Variants in LOXHD1 observed in about 807,000 individuals in gnomAD.
The protein encoded by LOXHD1 is lipoxygenase homology domain-containing protein 1.
A neutral mutation model predicts 248.2 loss-of-function variants in LOXHD1; 205 were observed. The observed-to-expected ratio is 0.83, with a 90% CI of 0.74 to 0.93. LOXHD1 has a LOEUF of 0.93. LOXHD1 is among the 40% of genes least tolerant of loss of function. The probability of loss-of-function intolerance (pLI) is 0.00; values close to 1 mark genes in which losing one functional copy is unlikely to be tolerated. For missense variants in LOXHD1, 2,930 were observed against 2,971.6 expected (o/e 0.99, Z 0.33); for synonymous variants, 1,113 against 1,162.8 (o/e 0.96, Z 0.87).
rs959613690 is a variant in LOXHD1 at position 46,546,879 on chromosome 18, C to T, written c.3514+16G>A. The T allele has an allele frequency of 1.9e-6, 3 of 1,546,220 alleles. No individual in the cohort carries two copies. The highest frequency in any genetic ancestry group is 2.6e-6 in the Non-Finnish European group (3 of 1,142,676). The stretch of plus-strand genomic sequence containing the variant: ...GAGGGGTGCTGGAGAAAGAAATCAG[C>T]TCTAGTTTAGAAAACCTTTCTGCTC... On this transcript the variant is annotated intron_variant, in intron 22 of 40. Transcript: ENST00000642948.
chr18:46,569,838 A>G (rs2037717669), intron 15 of LOXHD1, among the ~76,000 whole-genome samples, 200 bp from the exon 16 acceptor site: 1 of 152,228 alleles, frequency 6.6e-6, no homozygotes, highest in Non-Finnish European at 1.5e-5. Flanking sequence ...GGTCTCCTCA[A>G]CTGTAATGGC....
intron 37 of LOXHD1, 139 bp from the exon 38 acceptor site, chr18:46,489,281 T>G (rs2033297975): frequency 2.3e-6 from 2 of 886,026 alleles, no homozygotes; most frequent in Non-Finnish European, 3.5e-6. Flanking sequence ...TCCTTGTTGA[T>G]AAAGTGAGGG....
intron 13 of LOXHD1, among the ~76,000 whole-genome samples, 188 bp downstream of exon 13, chr18:46,579,442 T>C (rs1014755398): frequency 6.6e-6 from 1 of 152,112 alleles, no homozygotes; most frequent in African/African-American, 2.4e-5. Context: ...ACACTAGGCA[T>C]TGCTGTGCCC....
In LOXHD1 at chr18:46,539,810, G is replaced by A. The variant is rs558658044; in HGVS notation, c.3914-1473C>T. 1.1e-3 allele frequency among the ~76,000 whole-genome samples: 170 copies of A among 152,146 alleles called. 1 individual carries two copies. Among genetic ancestry groups the A allele is most frequent in the African/African-American group, 3.7e-3 (155 of 41,500 alleles). On this transcript the variant is annotated intron_variant, in intron 25 of 40. Coordinates refer to ENST00000642948, the MANE Select transcript of LOXHD1 (RefSeq NM_001384474.1). The stretch of plus-strand genomic sequence containing the variant: ...CTAAAAAAAAATTTAAGAAAAAAAA[G>A]AAGAATATTGAAAACCCAGAGAAAC...
In LOXHD1 at chr18:46,585,836, C is replaced by T. The variant is rs147794925; in HGVS notation, c.1655-6052G>A. Among the ~76,000 whole-genome samples the T allele has an allele frequency of 8.7e-3, 1,320 of 152,280 alleles. 14 individuals are homozygous for T. The highest frequency in any genetic ancestry group is 0.017 in the Middle Eastern group (5 of 294). On this transcript the variant is annotated intron_variant, in intron 12 of 40. Coordinates refer to ENST00000642948, the MANE Select transcript of LOXHD1 (RefSeq NM_001384474.1). ...CTAATAAGAATTTAAAATGGTACAG[C>T]TATTTTGATAGTTTGGCAGTTTCTC...
chr18:46,544,483 C>T (rs1049570759), intron 23 of LOXHD1, among the ~76,000 whole-genome samples: 1 of 152,192 alleles, frequency 6.6e-6, no homozygotes, highest in Admixed American at 6.5e-5. Flanking sequence ...CTAATTATAT[C>T]ATTATATATT....
chr18:46,485,947 T>C (rs2033014507), intron 38 of LOXHD1, among the ~76,000 whole-genome samples: 1 of 152,032 alleles, frequency 6.6e-6, no homozygotes, highest in African/African-American at 2.4e-5. Context: ...GCTGTCCTTC[T>C]GCCTGGAGTC....
chr18:46,618,141 A>T, intron 5 of LOXHD1, 51 bp downstream of exon 5: 1 of 1,404,418 alleles, frequency 7.1e-7, no homozygotes, highest in Non-Finnish European at 9.8e-7. Flanking sequence ...AACCCCATCT[A>T]CAAAATAGTC....
intron 31 of LOXHD1, among the ~76,000 whole-genome samples, chr18:46,523,798 T>G (rs1297192753): frequency 6.6e-6 from 1 of 151,992 alleles, no homozygotes; most frequent in Non-Finnish European, 1.5e-5. Context: ...TATCACTCAT[T>G]TACAGAGTGA....
chr18:46,584,545 C>A (rs1167445227), intron 12 of LOXHD1, among the ~76,000 whole-genome samples: 1 of 151,944 alleles, frequency 6.6e-6, no homozygotes. Flanking sequence ...AATTCCAAAT[C>A]TTTTAAGTGA....
Position 46,577,889 on chromosome 18 carries a change from G to T in LOXHD1, c.1810-22C>A, listed in dbSNP as rs557751606. ...CAGCCTTGTGGGGGGAAACCACAAG[G>T]CCAGTTAGACAGTGGCTACCCCAGG... is the stretch of plus-strand genomic sequence containing the variant. On this transcript the variant is annotated intron_variant, in intron 13 of 40. Coordinates refer to ENST00000642948, the MANE Select transcript of LOXHD1 (RefSeq NM_001384474.1). 1.9e-6 allele frequency: 3 copies of T among 1,551,438 alleles called. No homozygotes were observed. In the East Asian group the frequency reaches 7.3e-5, roughly 38 times the overall value.
chr18:46,644,831 C>A (rs138543626), intron 2 of LOXHD1, among the ~76,000 whole-genome samples: 1 of 152,134 alleles, frequency 6.6e-6, no homozygotes, highest in African/African-American at 2.4e-5. Flanking sequence ...CATGGCATGG[C>A]GCTTTATAGT....
intron 8 of LOXHD1, among the ~76,000 whole-genome samples, chr18:46,598,633 G>A (rs328137): frequency 0.76 from 115,949 of 152,024 alleles, 45,358 homozygotes; most frequent in Non-Finnish European, 0.86. Context: ...CTAAATGTCC[G>A]GAAAATACTT....
chr18:46,644,570 T>G (rs1169269016), intron 2 of LOXHD1, among the ~76,000 whole-genome samples: 1 of 151,980 alleles, frequency 6.6e-6, no homozygotes, highest in Admixed American at 6.6e-5. Flanking sequence ...ATTTAAAAAT[T>G]GGCTGGGCCT....
chr18:46,520,281 A>G (rs1170256793), intron 33 of LOXHD1: 2 of 471,062 alleles, frequency 4.2e-6, no homozygotes, highest in Admixed American at 4.7e-5. Context: ...ACTCAGGTCC[A>G]GGTGATTTCT....
In LOXHD1 at chr18:46,505,901, T is replaced by C; in HGVS notation, c.5815A>G (p.Asn1939Asp). The change falls in exon 37 of 41, where the codon AAC becomes GAC. Residue 1939 changes from asparagine to aspartate, a missense_variant. Asn to Asp is a conservative substitution (Grantham distance 23, BLOSUM62 1). Coordinates refer to ENST00000642948, the MANE Select transcript of LOXHD1 (RefSeq NM_001384474.1). Reference sequence around the variant, plus strand: ...CCCAAGCTCAGCATGTCAGGGAAGTTGAATGTGTCCGTGTTGTTCCGCTCA... The same window carrying C: ...CCCAAGCTCAGCATGTCAGGGAAGTCGAATGTGTCCGTGTTGTTCCGCTCA... The part of the protein sequence containing the change: ...KFERNNTDTF[N>D]FPDMLSLGHL... The C allele has an allele frequency of 6.4e-7, 1 of 1,551,832 alleles. No individual in the cohort carries two copies. Among genetic ancestry groups the C allele is most frequent in the Non-Finnish European group, 8.7e-7 (1 of 1,147,024 alleles).
In LOXHD1 at chr18:46,601,230, C is replaced by A. The variant is rs368299751; in HGVS notation, c.1121G>T (p.Trp374Leu). The change falls in exon 8 of 41, where the codon TGG becomes TTG. Residue 374 changes from tryptophan to leucine, a missense_variant. Coordinates refer to ENST00000642948, the MANE Select transcript of LOXHD1 (RefSeq NM_001384474.1). Reference sequence around the variant, plus strand: ...GGCATCCCTTACCTTCTCACAGAACCAGCCTCTGTTGACACCCACATTGCC... The same window carrying A: ...GGCATCCCTTACCTTCTCACAGAACAAGCCTCTGTTGACACCCACATTGCC... The part of the protein sequence containing the change: ...GHGNVGVNRG[W>L]FCEKVVILCP... 1 of 1,551,272 alleles carries A rather than the reference C, an allele frequency of 6.4e-7. No individual in the cohort carries two copies. Among genetic ancestry groups the A allele is most frequent in the Non-Finnish European group, 8.7e-7 (1 of 1,146,648 alleles).
In LOXHD1 at chr18:46,521,298, C is replaced by T; in HGVS notation, c.5086-16G>A. On this transcript the variant is annotated splice_polypyrimidine_tract_variant and intron_variant, in intron 32 of 40. Coordinates refer to ENST00000642948, the MANE Select transcript of LOXHD1 (RefSeq NM_001384474.1). Reference sequence around the variant, plus strand: ...CATGGCCCAGCTAGGAGGAGACACACCTGATCTGTGACGATCTGGGCACAA... The same window carrying T: ...CATGGCCCAGCTAGGAGGAGACACATCTGATCTGTGACGATCTGGGCACAA... The T allele has an allele frequency of 6.4e-7, 1 of 1,551,556 alleles. No individual in the cohort carries two copies.
intron 5 of LOXHD1, among the ~76,000 whole-genome samples, chr18:46,617,166 A>T (rs1055362685): frequency 2.0e-5 from 3 of 152,204 alleles, no homozygotes; most frequent in African/African-American, 7.2e-5. Context: ...TGTAGTGTTA[A>T]ATCAAACCTC....
Sources: allele counts gnomAD v4.1 joint callset (sites outside exome capture counted in the v4.1 genomes callset), GRCh38; gene constraint gnomAD v4.1.1; transcripts MANE v1.5; gene names NCBI Gene and HGNC (gene_info 2026-07-23, HGNC 2026-07-21).